The following NR6A1 variants were observed in gnomAD, a reference collection of about 807,000 sequenced individuals.
NR6A1 encodes retinoic acid receptor-related testis-associated receptor.
NR6A1 carries 7 observed loss-of-function variants against 59.1 expected under a neutral mutation model. The observed-to-expected ratio is 0.12, with a 90% CI of 0.07 to 0.22. The LOEUF is 0.22. Among genes scored for constraint, NR6A1 ranks in the 10% least tolerant of loss-of-function variants. The pLI is 1.00. For synonymous variants in NR6A1, 243 were observed against 236.1 expected (o/e 1.03, Z -0.27); for missense variants, 468 against 611.6 (o/e 0.77, Z 2.48).
intron 1 of NR6A1, among the ~76,000 whole-genome samples, chr9:124,735,220 GTCC>G (rs1219222760): frequency 6.6e-6 from 1 of 152,102 alleles, no homozygotes; most frequent in Non-Finnish European, 1.5e-5. Flanking sequence ...CTTTCTGTGA[GTCC>G]TCCTCCTCCT....
intron 2 of NR6A1, among the ~76,000 whole-genome samples, chr9:124,596,774 G>A (rs565874258): frequency 2.0e-4 from 30 of 152,256 alleles, no homozygotes; most frequent in Non-Finnish European, 3.7e-4. Flanking sequence ...GTACCCCAAA[G>A]GCTGGCAAAT....
At chr9:124,548,084 A>G (rs1407788605) in intron 3 of NR6A1, among the ~76,000 whole-genome samples, 1 of 141,230 alleles carries the variant, frequency 7.1e-6, no homozygotes, top group Non-Finnish European at 1.5e-5. Context: ...GCACACACAC[A>G]CTTACTTACC....
chr9:124,707,843 G>C (rs1413026954), intron 2 of NR6A1, among the ~76,000 whole-genome samples: 2 of 152,162 alleles, frequency 1.3e-5, no homozygotes, highest in Admixed American at 1.3e-4. Context: ...ATTAGTCAGA[G>C]ATGGTAATCA....
rs539429624 is a variant in NR6A1 at position 124,651,576 on chromosome 9, G to T, written c.142+81732C>A. ...TACCATAGGGGTTGGCCCCACAGTG[G>T]TTCCCTTCTCCCTTTCTTTTTGCCC... On this transcript the variant is annotated intron_variant, in intron 2 of 9. Coordinates refer to ENST00000487099, the MANE Select transcript of NR6A1 (RefSeq NM_033334.4). Among the ~76,000 whole-genome samples, 88 of 152,264 alleles carry T rather than the reference G, an allele frequency of 5.8e-4. 1 individual carries two copies. In the South Asian group the frequency reaches 0.018, roughly 31 times the overall value.
intron 2 of NR6A1, among the ~76,000 whole-genome samples, chr9:124,700,280 C>T (rs939049668): frequency 9.2e-5 from 14 of 151,930 alleles, no homozygotes; most frequent in Non-Finnish European, 1.6e-4. Context: ...CTGCAATCTC[C>T]GTCTCCCAGG....
chr9:124,694,289 T>G (rs1838668723), intron 2 of NR6A1, among the ~76,000 whole-genome samples: 1 of 152,158 alleles, frequency 6.6e-6, no homozygotes, highest in Non-Finnish European at 1.5e-5. Context: ...TTGCATGTTT[T>G]GGGGGGAGAG....
intron 1 of NR6A1, among the ~76,000 whole-genome samples, chr9:124,738,114 C>T (rs1030302337): frequency 1.6e-4 from 24 of 151,996 alleles, no homozygotes; most frequent in African/African-American, 4.8e-4. Context: ...ATTAGTCTGG[C>T]GTGGTGGTGC....
chr9:124,681,338 C>CTTTTTTTTTTTT (rs779847656), intron 2 of NR6A1, among the ~76,000 whole-genome samples: 2 of 110,786 alleles, frequency 1.8e-5, no homozygotes, highest in African/African-American at 3.4e-5. Flanking sequence ...AACATTTGAG[C>CTTTTTTTTTTTT]TTTTTTTTTT....
At chr9:124,694,969 G>A (rs1838696675) in intron 2 of NR6A1, among the ~76,000 whole-genome samples, 1 of 152,206 alleles carries the variant, frequency 6.6e-6, no homozygotes, top group South Asian at 2.1e-4. Flanking sequence ...GAATCATCTA[G>A]AGTTGCTTTT....
intron 2 of NR6A1, among the ~76,000 whole-genome samples, chr9:124,719,358 T>C (rs952992993): frequency 6.6e-6 from 1 of 152,204 alleles, no homozygotes; most frequent in African/African-American, 2.4e-5. Context: ...AGGAGTGAGC[T>C]ACCTCTCACC....
intron 2 of NR6A1, among the ~76,000 whole-genome samples, chr9:124,572,983 A>G (rs1210426044): frequency 1.3e-5 from 2 of 152,206 alleles, no homozygotes; most frequent in African/African-American, 2.4e-5. Flanking sequence ...GCAACACGAG[A>G]CTTCATGGTC....
Position 124,538,234 on chromosome 9 carries a change from G to T in NR6A1, c.682C>A (p.His228Asn). 1 of 1,614,196 alleles carries T rather than the reference G, an allele frequency of 6.2e-7. No homozygotes were observed. Among genetic ancestry groups the T allele is most frequent in the East Asian group, 2.2e-5 (1 of 44,888 alleles). Reference sequence around the variant, plus strand: ...GAGTGGCCAGAATAGCTAAAAAGGTGCGGTATATATTGGTAATGTGGAGGC... The same window carrying T: ...GAGTGGCCAGAATAGCTAAAAAGGTTCGGTATATATTGGTAATGTGGAGGC... ...SVPPHYQYIP[H>N]LFSYSGHSPL... Residue 228 changes from histidine (H) to asparagine (N), a missense_variant, in exon 6 of 10, where the codon CAC (histidine) becomes AAC (asparagine). Physicochemically the swap from His to Asn is moderately conservative, Grantham distance 68. Around this residue, in one of 4 missense-constraint regions of NR6A1, gnomAD observed 151 missense variants for 142.8 expected, o/e 1.06. Transcript: ENST00000487099.
At chr9:124,556,371 G>A (rs1833925436) in intron 2 of NR6A1, among the ~76,000 whole-genome samples, 1 of 152,090 alleles carries the variant, frequency 6.6e-6, no homozygotes. Context: ...GTCACCAGAA[G>A]TTGGAAGAGG....
chr9:124,755,089 C>A (rs1198747157), intron 1 of NR6A1, among the ~76,000 whole-genome samples: 1 of 152,184 alleles, frequency 6.6e-6, no homozygotes, highest in Admixed American at 6.5e-5. Context: ...TAACCCCTGC[C>A]CTCCCACTGC....
chr9:124,734,512 G>A (rs1200357272), intron 1 of NR6A1, among the ~76,000 whole-genome samples: 1 of 152,178 alleles, frequency 6.6e-6, no homozygotes, highest in East Asian at 1.9e-4. Context: ...GGCCAACAGG[G>A]TGAAACCCTG....
intron 2 of NR6A1, among the ~76,000 whole-genome samples, chr9:124,720,751 G>C (rs1839540010): frequency 6.6e-6 from 1 of 152,086 alleles, no homozygotes; most frequent in Admixed American, 6.6e-5. Flanking sequence ...TATAGCCTCA[G>C]CATGCTAAGA....
intron 2 of NR6A1, among the ~76,000 whole-genome samples, chr9:124,649,233 C>CAAAAAAAAAAAAAA (rs78432505): frequency 4.8e-5 from 2 of 41,410 alleles, no homozygotes; most frequent in African/African-American, 1.8e-4. Flanking sequence ...GGTACTGGCA[C>CAAAAAAAAAAAAAA]AAAAAAAAAA....
chr9:124,565,690 G>A (rs1834221209), intron 2 of NR6A1, among the ~76,000 whole-genome samples: 2 of 152,238 alleles, frequency 1.3e-5, no homozygotes, highest in South Asian at 2.1e-4. Context: ...TGCCACAAAG[G>A]AGGTTAAGCC....
At chr9:124,666,545 C>G (rs1250653049) in intron 2 of NR6A1, among the ~76,000 whole-genome samples, 2 of 152,174 alleles carry the variant, frequency 1.3e-5, no homozygotes, top group African/African-American at 2.4e-5. Context: ...TTCCAAAGTG[C>G]TGGGATTACA....
Sources: gnomAD v4.1 joint callset for allele counts (sites outside exome capture counted in the v4.1 genomes callset) on GRCh38, gnomAD v4.1.1 for gene constraint, gnomAD v4.1.1 regional missense constraint, MANE v1.5 for transcripts, NCBI Gene and HGNC (gene_info 2026-07-23, HGNC 2026-07-21) for gene names.